Variants in CDH12 observed in about 807,000 individuals in gnomAD.
CDH12 encodes cadherin 12.
Under a neutral mutation model 74.1 loss-of-function variants are expected in CDH12, and 41 were observed. The observed-to-expected ratio is 0.55, with a 90% confidence interval of 0.43 to 0.72. CDH12 has a LOEUF of 0.72. CDH12 is among the 30% of genes least tolerant of loss of function. The probability of loss-of-function intolerance (pLI) is 0.00; values close to 1 mark genes in which losing one functional copy is unlikely to be tolerated. For synonymous variants in CDH12, 399 were observed against 355.0 expected (o/e 1.12, Z -1.39); for missense variants, 945 against 977.2 (o/e 0.97, Z 0.44).
At chr5:22,319,271 A>G (rs533814850) in intron 3 of CDH12, among the ~76,000 whole-genome samples, 1 of 152,316 alleles carries the variant, frequency 6.6e-6, no homozygotes, top group East Asian at 1.9e-4. Flanking sequence ...AACAGGAGAG[A>G]AGAATAGAGT....
chr5:22,736,366 C>G (rs754461656), intron 1 of CDH12, among the ~76,000 whole-genome samples: 9 of 151,692 alleles, frequency 5.9e-5, no homozygotes, highest in Non-Finnish European at 1.2e-4. Flanking sequence ...TGGCTGAATA[C>G]TGCAAAATCC....
chr5:22,284,255 T>C (rs1475133838), intron 3 of CDH12, among the ~76,000 whole-genome samples: 1 of 152,144 alleles, frequency 6.6e-6, no homozygotes, highest in Non-Finnish European at 1.5e-5. Context: ...ATTTATTAAC[T>C]GCTGTATAAA....
At chr5:22,109,830 C>A (rs369662650) in intron 4 of CDH12, among the ~76,000 whole-genome samples, 2 of 152,066 alleles carry the variant, frequency 1.3e-5, no homozygotes, top group Admixed American at 6.6e-5. Flanking sequence ...TGACATAAGA[C>A]AGATTAGCAG....
At chr5:22,095,719 T>C (rs112225890) in intron 4 of CDH12, among the ~76,000 whole-genome samples, 56,066 of 150,052 alleles carry the variant, frequency 0.37, 13,192 homozygotes, top group African/African-American at 0.67. Context: ...GGGGCAAGAA[T>C]CCCCCAATCC....
intron 7 of CDH12, among the ~76,000 whole-genome samples, chr5:21,852,349 T>C (rs915481353): frequency 1.3e-5 from 2 of 151,330 alleles, no homozygotes; most frequent in Non-Finnish European, 3.0e-5. Flanking sequence ...ATAAACATTA[T>C]ATAAAATATA....
rs183052126 is a variant in CDH12, at chr5:22,022,493, T to A, written c.232-47108A>T. ...TGAGTCAATTAAACTTCTTTTTTTT[T>A]AAATTATCCAGTCTCAGGTAGTTCT... On this transcript the variant is annotated intron_variant, in intron 5 of 14. Transcript: ENST00000382254. Among the ~76,000 whole-genome samples the A allele has an allele frequency of 4.7e-3, 712 of 152,246 alleles. 9 individuals are homozygous for A. The highest frequency in any genetic ancestry group is 0.016 in the African/African-American group (670 of 41,534).
intron 4 of CDH12, among the ~76,000 whole-genome samples, chr5:22,089,256 G>T (rs1023029916): frequency 6.6e-6 from 1 of 152,128 alleles, no homozygotes; most frequent in Non-Finnish European, 1.5e-5. Context: ...AGGGACTGGT[G>T]GTTCAGTAAT....
At chr5:21,790,578 A>G (rs990213204) in intron 10 of CDH12, among the ~76,000 whole-genome samples, 2 of 152,092 alleles carry the variant, frequency 1.3e-5, no homozygotes, top group Non-Finnish European at 2.9e-5. Context: ...TTTCATTCCA[A>G]TATCTATTCT....
At chr5:21,934,880 T>G (rs755845239) in intron 6 of CDH12, among the ~76,000 whole-genome samples, 106 of 152,106 alleles carry the variant, frequency 7.0e-4, no homozygotes, top group Admixed American at 2.4e-3. Flanking sequence ...TCCGCCTCCC[T>G]AGTTCATGCC....
chr5:22,489,522 C>T lies in CDH12; in HGVS notation c.-428+15748G>A, dbSNP rs540578456. Among the ~76,000 whole-genome samples, 12 of 151,936 alleles carry T rather than the reference C, an allele frequency of 7.9e-5. No homozygotes were observed. In the South Asian group the frequency reaches 1.5e-3, roughly 18 times the overall value. The stretch of plus-strand genomic sequence containing the variant: ...TTTCTACTGTTGGCATGATTTCAGT[C>T]GCAATTTTGGTATTGAAGATATAGC... On this transcript the variant is annotated intron_variant, in intron 2 of 14. Transcript: ENST00000382254.
chr5:22,154,618 A>G (rs915737626), intron 4 of CDH12, among the ~76,000 whole-genome samples: 1 of 150,388 alleles, frequency 6.6e-6, no homozygotes, highest in Non-Finnish European at 1.5e-5. Flanking sequence ...ATATATGTAC[A>G]CATATATATA....
intron 3 of CDH12, among the ~76,000 whole-genome samples, chr5:22,251,405 G>T (rs1221704251): frequency 6.6e-6 from 1 of 152,138 alleles, no homozygotes; most frequent in Non-Finnish European, 1.5e-5. Context: ...TATTGAATTT[G>T]TAAAAACACC....
chr5:22,560,092 T>C (rs1580765169), intron 1 of CDH12, among the ~76,000 whole-genome samples: 1 of 152,194 alleles, frequency 6.6e-6, no homozygotes, highest in African/African-American at 2.4e-5. Flanking sequence ...ATTGAGATTA[T>C]ATCTGTGTAT....
At chr5:21,983,798 A>C (rs1209110984) in intron 5 of CDH12, among the ~76,000 whole-genome samples, 1 of 152,136 alleles carries the variant, frequency 6.6e-6, no homozygotes, top group South Asian at 2.1e-4. Flanking sequence ...AATTTATATT[A>C]CTTTATTTAT....
chr5:22,266,535 A>C (rs936925011), intron 3 of CDH12, among the ~76,000 whole-genome samples: 1 of 152,174 alleles, frequency 6.6e-6, no homozygotes, highest in Non-Finnish European at 1.5e-5. Flanking sequence ...TCACAATATT[A>C]GCATTTTTTC....
At chr5:21,812,825 A>G (rs13161063) in intron 9 of CDH12, among the ~76,000 whole-genome samples, 7,491 of 152,192 alleles carry the variant, frequency 0.049, 252 homozygotes, top group East Asian at 0.16. Context: ...GCAGGCTACA[A>G]TGTTCTTTCT....
At chr5:22,037,731 G>C (rs1402482716) in intron 5 of CDH12, among the ~76,000 whole-genome samples, 1 of 152,164 alleles carries the variant, frequency 6.6e-6, no homozygotes, top group Non-Finnish European at 1.5e-5. Flanking sequence ...GAAGCACTCA[G>C]TGTTCATCCT....
At chr5:22,031,772 G>T (rs1263302735) in intron 5 of CDH12, among the ~76,000 whole-genome samples, 3 of 152,100 alleles carry the variant, frequency 2.0e-5, no homozygotes, top group Non-Finnish European at 4.4e-5. Context: ...AACATTTATG[G>T]ATTAAATTTG....
At chr5:21,955,385 T>G (rs1756050478) in intron 6 of CDH12, among the ~76,000 whole-genome samples, 1 of 152,026 alleles carries the variant, frequency 6.6e-6, no homozygotes, top group Non-Finnish European at 1.5e-5. Context: ...TAGGTAGGTA[T>G]TTCATTTTCT....
Sources: gnomAD v4.1 joint callset for allele counts (sites outside exome capture counted in the v4.1 genomes callset) on GRCh38, gnomAD v4.1.1 for gene constraint, MANE v1.5 for transcripts, NCBI Gene and HGNC (gene_info 2026-07-23, HGNC 2026-07-21) for gene names.